The following SLC39A8 variants were observed in gnomAD, a reference collection of about 807,000 sequenced individuals.
SLC39A8 encodes solute carrier family 39 member 8.
In SLC39A8, 15 loss-of-function variants were observed where a neutral mutation model predicts 40.4. The ratio of observed to expected loss-of-function variants is 0.37; its 90% CI spans 0.25 to 0.57. The LOEUF (loss-of-function observed/expected upper bound fraction) is 0.57, where lower values mean the gene tolerates loss of function less well. Among genes scored for constraint, SLC39A8 ranks in the 20% least tolerant of loss-of-function variants. SLC39A8 has a pLI of 0.75. For missense variants in SLC39A8, 472 were observed against 558.8 expected, an observed-to-expected ratio of 0.84 and a Z score of 1.57; for synonymous variants, 223 against 221.6, an observed-to-expected ratio of 1.01 and a Z score of -0.06.
chr4:102,304,438 T>A lies in SLC39A8; in HGVS notation c.719A>T (p.Glu240Val), dbSNP rs969081261. ...HFGNDNFGPQ[E>V]KTHQPKALPA... is the part of the protein sequence containing the mutation. ...TAATGCTTTAGGTTGATGAGTTTTT[T>A]CTTGAGGACCAAAGTTATCATTTCC... The change falls in exon 6 of 9, where the codon GAA (glutamate) becomes GTA (valine). Residue 240 changes from glutamate (E) to valine (V), a missense_variant. By Grantham distance (121) the Glu-to-Val change is moderately radical. Around this residue, in one of 4 missense-constraint regions of SLC39A8, gnomAD observed 239 missense variants for 317.9 expected, o/e 0.75. Transcript: ENST00000356736. 1.2e-6 allele frequency: 2 copies of A among 1,611,584 alleles called. No individual in the cohort carries two copies. Among genetic ancestry groups the A allele is most frequent in the Admixed American group, 1.7e-5 (1 of 59,816 alleles).
chr4:102,315,023 A>G (rs1734597240), intron 3 of SLC39A8, among the ~76,000 whole-genome samples: 1 of 152,178 alleles, frequency 6.6e-6, no homozygotes, highest in Non-Finnish European at 1.5e-5. Context: ...TCCCTGAACA[A>G]TTGGTTTATC....
At chr4:102,332,503 G>C (rs1296304569) in intron 2 of SLC39A8, among the ~76,000 whole-genome samples, 2 of 152,232 alleles carry the variant, frequency 1.3e-5, no homozygotes, top group Non-Finnish European at 2.9e-5. Flanking sequence ...TCAGTAAAAG[G>C]TCAGGGAACA....
intron 8 of SLC39A8, among the ~76,000 whole-genome samples, chr4:102,265,521 C>T (rs1025332661): frequency 2.0e-5 from 3 of 152,018 alleles, no homozygotes; most frequent in Admixed American, 6.6e-5. Flanking sequence ...GGAAATAAGC[C>T]CATGCTATTC....
At chr4:102,317,202 T>G (rs1397116232) in intron 2 of SLC39A8, among the ~76,000 whole-genome samples, 3 of 152,136 alleles carry the variant, frequency 2.0e-5, no homozygotes, top group African/African-American at 4.8e-5. Flanking sequence ...ACAATGAAAT[T>G]TAAAATGTCA....
chr4:102,317,913 A>C (rs967492972), intron 2 of SLC39A8, among the ~76,000 whole-genome samples: 2 of 152,178 alleles, frequency 1.3e-5, no homozygotes, highest in Non-Finnish European at 2.9e-5. Context: ...CCACTTGCTA[A>C]GGCACAGTCT....
chr4:102,280,431 A>G (rs1278914303), intron 6 of SLC39A8, among the ~76,000 whole-genome samples: 1 of 152,252 alleles, frequency 6.6e-6, no homozygotes, highest in African/African-American at 2.4e-5. Context: ...ATACTGTTAA[A>G]TAAGTTTTCA....
chr4:102,331,825 C>A (rs1048701966), intron 2 of SLC39A8, among the ~76,000 whole-genome samples: 3 of 152,082 alleles, frequency 2.0e-5, no homozygotes, highest in Non-Finnish European at 4.4e-5. Flanking sequence ...GATATATAGA[C>A]CAATGGAACA....
intron 6 of SLC39A8, among the ~76,000 whole-genome samples, chr4:102,278,157 G>A (rs565674868): frequency 6.6e-6 from 1 of 152,184 alleles, no homozygotes; most frequent in African/African-American, 2.4e-5. Flanking sequence ...AAACTAAAGA[G>A]CTTCTGCACA....
chr4:102,297,314 T>C (rs1733721116), intron 6 of SLC39A8, among the ~76,000 whole-genome samples: 1 of 152,112 alleles, frequency 6.6e-6, no homozygotes, highest in African/African-American at 2.4e-5. Context: ...CTGTGTGACC[T>C]TGGGTAAGTT....
At chr4:102,343,825 G>T (rs1276468339) in intron 2 of SLC39A8, among the ~76,000 whole-genome samples, 1 of 152,060 alleles carries the variant, frequency 6.6e-6, no homozygotes, top group Non-Finnish European at 1.5e-5. Context: ...ATAAATACTA[G>T]AATCAAATAT....
At chr4:102,277,912 T>G (rs899985640) in intron 6 of SLC39A8, among the ~76,000 whole-genome samples, 3 of 152,048 alleles carry the variant, frequency 2.0e-5, no homozygotes, top group Non-Finnish European at 4.4e-5. Flanking sequence ...ATAAATGGTT[T>G]TGGGAAAACT....
downstream of SLC39A8, among the ~76,000 whole-genome samples, chr4:102,258,110 TG>T (rs1445157425): frequency 2.0e-5 from 3 of 150,476 alleles, no homozygotes; most frequent in Non-Finnish European, 2.9e-5. Flanking sequence ...TTTTGTTTTT[TG>T]TTTTTTTTTT....
chr4:102,252,022 C>T (rs1179030831), exon 12 of SLC39A8: 1 of 152,236 alleles, frequency 6.6e-6, no homozygotes, highest in African/African-American at 2.4e-5. Context: ...CATGTAGCCT[C>T]CTAAGAGTAC....
At chr4:102,316,143 A>C (rs1315759629) in intron 2 of SLC39A8, among the ~76,000 whole-genome samples, 1 of 152,150 alleles carries the variant, frequency 6.6e-6, no homozygotes, top group East Asian at 1.9e-4. Context: ...CCATTCAAAC[A>C]AAGGGTTTTA....
rs1264193353 is a variant in SLC39A8, at chr4:102,305,024, T to C, written c.640A>G (p.Arg214Gly). The C allele has an allele frequency of 1.9e-6, 3 of 1,608,274 alleles. No individual in the cohort carries two copies. The highest frequency in any genetic ancestry group is 2.6e-6 in the Non-Finnish European group (3 of 1,176,140). The part of the protein sequence containing the change: ...GGFYLLFFFE[R>G]MLKMLLKTYG... ...GTCTTTAATAACATCTTTAGCATTC[T>C]TTCAAAAAAGAAAAGTAGGTAAAAT... Residue 214 changes from arginine (R) to glycine (G), a missense_variant, in exon 5 of 9, where the codon AGA becomes GGA. Physicochemically the swap from Arg to Gly is moderately radical, Grantham distance 125. Around this residue, in one of 4 missense-constraint regions of SLC39A8, gnomAD observed 239 missense variants for 317.9 expected, o/e 0.75. Transcript: ENST00000356736.
intron 6 of SLC39A8, among the ~76,000 whole-genome samples, chr4:102,281,436 T>G (rs577143188): frequency 1.7e-4 from 26 of 152,230 alleles, no homozygotes; most frequent in African/African-American, 6.0e-4. Context: ...AACTGAAATA[T>G]TCAAGATCCC....
chr4:102,300,432 T>C (rs1314349862), intron 6 of SLC39A8, among the ~76,000 whole-genome samples: 1 of 152,088 alleles, frequency 6.6e-6, no homozygotes, highest in Non-Finnish European at 1.5e-5. Context: ...TGAGCCAGAA[T>C]TGCTTGGATG....
intron 2 of SLC39A8, among the ~76,000 whole-genome samples, chr4:102,334,259 C>A (rs975192064): frequency 6.6e-6 from 1 of 152,108 alleles, no homozygotes; most frequent in Non-Finnish European, 1.5e-5. Context: ...AAAGTTAGCC[C>A]AAGGAAAAAG....
intron 2 of SLC39A8, among the ~76,000 whole-genome samples, chr4:102,343,604 T>C (rs1330293878): frequency 6.6e-6 from 1 of 152,226 alleles, no homozygotes; most frequent in Non-Finnish European, 1.5e-5. Flanking sequence ...ATGCAGAAAC[T>C]ACACTTTGTC....
Sources: gnomAD v4.1 joint callset for allele counts (sites outside exome capture counted in the v4.1 genomes callset) on GRCh38, gnomAD v4.1.1 for gene constraint, gnomAD v4.1.1 regional missense constraint, MANE v1.5 for transcripts, NCBI Gene and HGNC (gene_info 2026-07-23, HGNC 2026-07-21) for gene names.